NKAIN1: variants seen among roughly 807,000 people sequenced by gnomAD.
NKAIN1 encodes the protein sodium/potassium transporting ATPase interacting 1, also known as sodium/potassium-transporting ATPase subunit beta-1-interacting protein 1.
NKAIN1 carries 13 observed loss-of-function variants against 31.6 expected under a neutral mutation model. That is an observed-to-expected ratio of 0.41 (90% CI 0.27 to 0.65). The LOEUF is 0.65. Among genes scored for constraint, NKAIN1 ranks in the 30% least tolerant of loss-of-function variants. The probability of loss-of-function intolerance (pLI) is 0.30; values close to 1 mark genes in which losing one functional copy is unlikely to be tolerated. For synonymous variants in NKAIN1, 104 were observed against 109.0 expected, an observed-to-expected ratio of 0.95 and a Z score of 0.28; for missense variants, 193 against 262.2, an observed-to-expected ratio of 0.74 and a Z score of 1.82.
Position 31,181,422 on chromosome 1 carries a change from G to T in NKAIN1, c.*281C>A. The stretch of plus-strand genomic sequence containing the variant: ...GAGGAAGGCCCCAGCTCACGCCAAG[G>T]CTGAGATTAAAAACAAACAAACAAA... On this transcript the variant is annotated 3_prime_UTR_variant, in exon 7 of 7. Transcript: ENST00000373736. 2.7e-6 allele frequency: 1 copy of T among 376,868 alleles called. No homozygotes were observed. Among genetic ancestry groups the T allele is most frequent in the Non-Finnish European group, 4.7e-6 (1 of 212,354 alleles). 23.3% of individuals were successfully genotyped at this position (376,868 alleles called of 1,614,324 possible). A position where few individuals can be genotyped will look rare whatever the true frequency, so the allele number is the denominator to read the frequency against.
chr1:31,232,424 T>TATATATATATAGAGAGAGAGAG (rs1313157898), intron 1 of NKAIN1, among the ~76,000 whole-genome samples: 2 of 16,926 alleles, frequency 1.2e-4, no homozygotes, highest in Non-Finnish European at 2.3e-4. Flanking sequence ...TATATATATA[T>TATATATATATAGAGAGAGAGAG]AGAGAGAGAG....
At chr1:31,184,861 C>A (rs1456643487) in intron 3 of NKAIN1, among the ~76,000 whole-genome samples, 1 of 152,130 alleles carries the variant, frequency 6.6e-6, no homozygotes, top group Non-Finnish European at 1.5e-5. Context: ...TCAGAATTAA[C>A]CCAAATCTTT....
intron 1 of NKAIN1, among the ~76,000 whole-genome samples, chr1:31,222,497 G>T (rs907717094): frequency 1.3e-5 from 2 of 152,206 alleles, no homozygotes; most frequent in Non-Finnish European, 2.9e-5. Context: ...GCCAAGGCAG[G>T]GTATGGACCC....
At chr1:31,237,502 CTT>C (rs5773347) in intron 1 of NKAIN1, among the ~76,000 whole-genome samples, 177 of 144,044 alleles carry the variant, frequency 1.2e-3, no homozygotes, top group Non-Finnish European at 1.3e-3. Context: ...GAGAAGAAAA[CTT>C]TTTTTTTTTT....
chr1:31,206,492 G>C (rs1490365326), intron 1 of NKAIN1, among the ~76,000 whole-genome samples: 1 of 152,042 alleles, frequency 6.6e-6, no homozygotes, highest in Non-Finnish European at 1.5e-5. Context: ...CTGGAATGCA[G>C]TGGCGTGATC....
At chr1:31,208,984 T>C (rs572331966) in intron 1 of NKAIN1, among the ~76,000 whole-genome samples, 16 of 152,330 alleles carry the variant, frequency 1.1e-4, no homozygotes, top group Admixed American at 1.0e-3. Context: ...ATGGGGTAAC[T>C]GACATCCTGG....
At chr1:31,201,565 G>A (rs1183769568) in intron 1 of NKAIN1, among the ~76,000 whole-genome samples, 1 of 151,934 alleles carries the variant, frequency 6.6e-6, no homozygotes, top group Admixed American at 6.6e-5. Flanking sequence ...GTTTCACCGT[G>A]TTAGCCAGGA....
At chr1:31,192,997 C>A (rs1186079348) in intron 1 of NKAIN1, among the ~76,000 whole-genome samples, 2 of 150,484 alleles carry the variant, frequency 1.3e-5, no homozygotes, top group African/African-American at 2.4e-5. Flanking sequence ...GAGATCCCAT[C>A]TCTATTAAAA....
intron 1 of NKAIN1, among the ~76,000 whole-genome samples, chr1:31,232,664 A>T (rs1645663731): frequency 6.6e-6 from 1 of 151,562 alleles, no homozygotes; most frequent in Non-Finnish European, 1.5e-5. Context: ...ATACTAGAGA[A>T]GAGTAGTTTG....
chr1:31,194,376 C>T (rs1452111701), intron 1 of NKAIN1, among the ~76,000 whole-genome samples: 1 of 150,680 alleles, frequency 6.6e-6, no homozygotes, highest in Non-Finnish European at 1.5e-5. Context: ...CTTCCCTTCC[C>T]TTTTTCTTTC....
chr1:31,214,934 T>C (rs1401743226), intron 1 of NKAIN1, among the ~76,000 whole-genome samples: 1 of 152,182 alleles, frequency 6.6e-6, no homozygotes, highest in Non-Finnish European at 1.5e-5. Flanking sequence ...CACTAAGCCC[T>C]CCGGGCGCCC....
intron 5 of NKAIN1, 145 bp from the exon 6 acceptor site, chr1:31,182,086 G>A: frequency 1.3e-6 from 1 of 791,322 alleles, no homozygotes; most frequent in Non-Finnish European, 2.1e-6. Flanking sequence ...AGGGGCGAGG[G>A]TCAGACCCCG....
Position 31,181,562 on chromosome 1 carries a change from T to G in NKAIN1, c.*141A>C, listed in dbSNP as rs1464372684. ...GTCCAAGTCCACGTCCAAGTCCGCA[T>G]CTCCAGATGCAGACGCGGGGTTGGG... On this transcript the variant is annotated 3_prime_UTR_variant, in exon 7 of 7. Transcript: ENST00000373736. The G allele has an allele frequency of 2.8e-6, 2 of 705,296 alleles. No homozygotes were observed. Among genetic ancestry groups the G allele is most frequent in the Non-Finnish European group, 4.1e-6 (2 of 489,190 alleles). The allele number at this position is 705,296 out of a possible 1,614,324, so 43.7% of individuals were successfully genotyped here.
chr1:31,190,695 C>CCCTTCCAG (rs1645278423), intron 1 of NKAIN1, among the ~76,000 whole-genome samples: 1 of 152,166 alleles, frequency 6.6e-6, no homozygotes, highest in African/African-American at 2.4e-5. Context: ...TCTCCAAGGG[C>CCCTTCCAG]CCTTCCAGCC....
rs1306633566 is a variant in NKAIN1 at position 31,236,648 on chromosome 1, T to C, written c.54+2846A>G. Among the ~76,000 whole-genome samples, 3 of 152,122 alleles carry C rather than the reference T, an allele frequency of 2.0e-5. No homozygotes were observed. The South Asian group carries it at 6.2e-4, about 32-fold the overall frequency. On this transcript the variant is annotated intron_variant, in intron 1 of 6. Transcript: ENST00000373736. ...GCAATTTTCAAGTTCCTCCCGCAAATGATCTTGTGCAACCTTCACAAGCTG... is the reference window on the plus strand; with the variant it reads ...GCAATTTTCAAGTTCCTCCCGCAAACGATCTTGTGCAACCTTCACAAGCTG...
intron 1 of NKAIN1, among the ~76,000 whole-genome samples, chr1:31,212,571 C>T (rs1036584120): frequency 1.3e-5 from 2 of 152,044 alleles, no homozygotes; most frequent in African/African-American, 4.8e-5. Context: ...AACCCGGCTA[C>T]TTTTTGGATT....
chr1:31,211,089 TC>T (rs1488874990), intron 1 of NKAIN1, among the ~76,000 whole-genome samples: 4 of 152,208 alleles, frequency 2.6e-5, no homozygotes, highest in East Asian at 3.8e-4. Flanking sequence ...CCCCCTAAGA[TC>T]AGGAACAAGA....
intron 1 of NKAIN1, among the ~76,000 whole-genome samples, chr1:31,194,189 G>A (rs1645306345): frequency 6.6e-6 from 1 of 152,096 alleles, no homozygotes; most frequent in Non-Finnish European, 1.5e-5. Context: ...CACACAGAAT[G>A]AGCCCCCTGA....
chr1:31,220,362 A>G (rs1645554315), intron 1 of NKAIN1, among the ~76,000 whole-genome samples: 1 of 151,868 alleles, frequency 6.6e-6, no homozygotes, highest in African/African-American at 2.4e-5. Context: ...AATGCTCACC[A>G]TCTGTGTCCC....
Sources: gnomAD v4.1 joint callset for allele counts (sites outside exome capture counted in the v4.1 genomes callset) on GRCh38, gnomAD v4.1.1 for gene constraint, MANE v1.5 for transcripts, NCBI Gene and HGNC (gene_info 2026-07-23, HGNC 2026-07-21) for gene names.